The following SYT17 variants were observed in gnomAD, a reference collection of about 807,000 sequenced individuals.
SYT17 encodes synaptotagmin-17.
A neutral mutation model predicts 46.7 loss-of-function variants in SYT17; 22 were observed. That is an observed-to-expected ratio of 0.47 (90% CI 0.34 to 0.67). The LOEUF (loss-of-function observed/expected upper bound fraction) is 0.67. SYT17 is among the 30% of genes least tolerant of loss of function. SYT17 has a pLI of 0.01. For missense variants in SYT17, 519 were observed against 612.8 expected (o/e 0.85, Z 1.62); for synonymous variants, 251 against 248.4 (o/e 1.01, Z -0.10).
intron 4 of SYT17, 97 bp downstream of exon 4, chr16:19,180,636 G>A: frequency 6.8e-7 from 1 of 1,470,256 alleles, no homozygotes; most frequent in Admixed American, 1.8e-5. Context: ...TGCTGGGGGA[G>A]GGCGGCAGAG....
intron 7 of SYT17, among the ~76,000 whole-genome samples, chr16:19,230,118 G>A (rs1966627033): frequency 6.6e-6 from 1 of 152,130 alleles, no homozygotes; most frequent in Non-Finnish European, 1.5e-5. Context: ...GATAAGAAAA[G>A]TTCTGGAGGC....
At chr16:19,251,279 G>C (rs1381643857) in intron 7 of SYT17, among the ~76,000 whole-genome samples, 1 of 152,140 alleles carries the variant, frequency 6.6e-6, no homozygotes, top group African/African-American at 2.4e-5. Context: ...CCACAGGCTG[G>C]GTCCCAGGTG....
rs558708482 is a variant in SYT17, at chr16:19,213,666, T to C, written c.952-9379T>C. The stretch of plus-strand genomic sequence containing the variant: ...CTGGGACCACAGATGCATGCCACCA[T>C]GCTAAGCTAATTAAAAAATAAAAAT... On this transcript the variant is annotated intron_variant, in intron 5 of 7. Coordinates refer to ENST00000355377, the MANE Select transcript of SYT17 (RefSeq NM_016524.4). 5.9e-5 allele frequency among the ~76,000 whole-genome samples: 9 copies of C among 152,266 alleles called. No homozygotes were observed. The East Asian group carries it at 1.7e-3, about 29-fold the overall frequency.
rs190037972 is a variant in SYT17 at position 19,232,509 on chromosome 16, T to C, written c.1228+7671T>C. 2.6e-5 allele frequency among the ~76,000 whole-genome samples: 4 copies of C among 152,154 alleles called. No homozygotes were observed. The East Asian group carries it at 5.8e-4, about 22-fold the overall frequency. On this transcript the variant is annotated intron_variant, in intron 7 of 7. Transcript: ENST00000355377. ...CCAGGAAGGGCATCAGGGTGAGTGA[T>C]GATTGATTGTGCCAGTGCATTAATA...
chr16:19,248,497 G>T (rs911444296), intron 7 of SYT17, among the ~76,000 whole-genome samples: 1 of 152,284 alleles, frequency 6.6e-6, no homozygotes, highest in Admixed American at 6.5e-5. Flanking sequence ...CTGATGAATG[G>T]ATAAACAAAT....
At chr16:19,249,591 G>A (rs182197948) in intron 7 of SYT17, among the ~76,000 whole-genome samples, 1 of 152,128 alleles carries the variant, frequency 6.6e-6, no homozygotes, top group East Asian at 1.9e-4. Flanking sequence ...AGTGGTTGTG[G>A]GTTTAATTTG....
intron 1 of SYT17, 186 bp from the exon 2 acceptor site, chr16:19,172,574 C>T: frequency 9.9e-6 from 15 of 1,519,524 alleles, no homozygotes; most frequent in Non-Finnish European, 1.3e-5. Context: ...AATAGCAACA[C>T]CTTGTTAGGA....
intron 5 of SYT17, among the ~76,000 whole-genome samples, chr16:19,214,792 C>T (rs1435216771): frequency 6.6e-6 from 1 of 150,492 alleles, no homozygotes; most frequent in African/African-American, 2.4e-5. Context: ...AATAATAATT[C>T]TCTTTTTTTT....
intron 6 of SYT17, among the ~76,000 whole-genome samples, chr16:19,224,482 C>T (rs917888741): frequency 5.9e-5 from 9 of 152,094 alleles, no homozygotes; most frequent in Admixed American, 5.9e-4. Context: ...GATCAGTGAA[C>T]TGACGGATGG....
At chr16:19,175,750 T>G (rs1964291074) in intron 3 of SYT17, among the ~76,000 whole-genome samples, 1 of 151,914 alleles carries the variant, frequency 6.6e-6, no homozygotes, top group South Asian at 2.1e-4. Flanking sequence ...GCTATCTCCA[T>G]GTGGGCAGGG....
At chr16:19,251,698 C>T (rs8049447) in intron 7 of SYT17, among the ~76,000 whole-genome samples, 3,043 of 152,210 alleles carry the variant, frequency 0.02, 86 homozygotes, top group African/African-American at 0.07. Flanking sequence ...CCAGACAGTT[C>T]GTGGTCCAGA....
At chr16:19,226,145 A>G (rs906780611) in intron 7 of SYT17, among the ~76,000 whole-genome samples, 22 of 152,210 alleles carry the variant, frequency 1.4e-4, no homozygotes, top group Non-Finnish European at 2.8e-4. Flanking sequence ...CTCAACTTAC[A>G]GATCTAGGGA....
chr16:19,248,759 T>A (rs1399231082), intron 7 of SYT17, among the ~76,000 whole-genome samples: 2 of 151,802 alleles, frequency 1.3e-5, no homozygotes, highest in African/African-American at 4.8e-5. Context: ...GAGGCGGAAG[T>A]TGCAGTGAGC....
intron 5 of SYT17, among the ~76,000 whole-genome samples, chr16:19,219,890 G>C (rs953432174): frequency 1.3e-5 from 2 of 152,088 alleles, no homozygotes; most frequent in African/African-American, 4.8e-5. Context: ...TAAAATAAAA[G>C]GAAATATCAC....
chr16:19,174,455 A>G (rs1393407468), intron 3 of SYT17, among the ~76,000 whole-genome samples: 5 of 152,220 alleles, frequency 3.3e-5, no homozygotes, highest in Non-Finnish European at 5.9e-5. Flanking sequence ...GGAGCCTGGC[A>G]GAGTGGAAGG....
At chr16:19,264,437 A>C (rs1385375472) in intron 7 of SYT17, among the ~76,000 whole-genome samples, 7 of 152,196 alleles carry the variant, frequency 4.6e-5, no homozygotes. Flanking sequence ...CCATTTGTGC[A>C]GAAAATTCTA....
At chr16:19,250,013 C>T (rs1967927068) in intron 7 of SYT17, 3 of 1,535,858 alleles carry the variant, frequency 2.0e-6, no homozygotes, top group South Asian at 1.2e-5. Flanking sequence ...TGGATACCCT[C>T]ACCTGGAAAT....
chr16:19,246,690 A>G (rs1460900464), intron 7 of SYT17, among the ~76,000 whole-genome samples: 2 of 152,292 alleles, frequency 1.3e-5, no homozygotes, highest in East Asian at 3.9e-4. Flanking sequence ...CTCTTTTGTT[A>G]GCATCCAAAA....
intron 5 of SYT17, among the ~76,000 whole-genome samples, chr16:19,192,997 G>A (rs895676141): frequency 2.6e-5 from 4 of 152,156 alleles, no homozygotes; most frequent in African/African-American, 7.2e-5. Flanking sequence ...TCTGGACCTC[G>A]TTCCGAGAAA....
Sources: gnomAD v4.1 joint callset for allele counts (sites outside exome capture counted in the v4.1 genomes callset) on GRCh38, gnomAD v4.1.1 for gene constraint, MANE v1.5 for transcripts, NCBI Gene and HGNC (gene_info 2026-07-23, HGNC 2026-07-21) for gene names.